The following VWA8 variants were observed in gnomAD, a reference collection of about 807,000 sequenced individuals.
VWA8 encodes the protein von Willebrand factor A domain-containing protein 8.
In VWA8, 221 loss-of-function variants were observed where a neutral mutation model predicts 241.5. The observed-to-expected ratio is 0.91, with a 90% CI of 0.82 to 1.02. VWA8 has a LOEUF of 1.02. VWA8 is among the 50% of genes least tolerant of loss of function. The pLI, the probability that VWA8 is intolerant of heterozygous loss-of-function variation, is 0.00. For missense variants in VWA8, 2,322 were observed against 2,328.7 expected, an observed-to-expected ratio of 1.00 and a Z score of 0.06; for synonymous variants, 852 against 827.1, an observed-to-expected ratio of 1.03 and a Z score of -0.52.
chr13:41,937,256 G>A (rs1877393595), intron 2 of VWA8, among the ~76,000 whole-genome samples: 1 of 152,114 alleles, frequency 6.6e-6, no homozygotes, highest in African/African-American at 2.4e-5. Context: ...CATTTATTGT[G>A]CACTTTATTT....
chr13:41,708,155 C>G (rs559602712), intron 26 of VWA8, among the ~76,000 whole-genome samples: 1 of 151,884 alleles, frequency 6.6e-6, no homozygotes, highest in South Asian at 2.1e-4. Flanking sequence ...GTCGGGAGTT[C>G]GAGACCAGCC....
chr13:41,797,205 T>A (rs1869745397), intron 17 of VWA8, among the ~76,000 whole-genome samples: 1 of 151,434 alleles, frequency 6.6e-6, no homozygotes, highest in African/African-American at 2.4e-5. Context: ...TATTTTTTTT[T>A]TTTTTTTGGT....
At chr13:41,921,774 T>G (rs1876549117) in intron 2 of VWA8, among the ~76,000 whole-genome samples, 2 of 152,046 alleles carry the variant, frequency 1.3e-5, no homozygotes, top group African/African-American at 4.8e-5. Context: ...ACTCCTCAAC[T>G]AAATAAAAGA....
intron 20 of VWA8, among the ~76,000 whole-genome samples, chr13:41,767,703 C>T (rs1334221964): frequency 6.6e-6 from 1 of 152,162 alleles, no homozygotes; most frequent in African/African-American, 2.4e-5. Context: ...GACTCTAAAA[C>T]ACAACCCTTA....
intron 35 of VWA8, among the ~76,000 whole-genome samples, chr13:41,682,551 A>C (rs1191624101): frequency 6.6e-6 from 1 of 152,212 alleles, no homozygotes; most frequent in Non-Finnish European, 1.5e-5. Flanking sequence ...GTTTGAGACC[A>C]GCCTGGGCAA....
At chr13:41,933,809 T>A (rs1369734913) in intron 2 of VWA8, among the ~76,000 whole-genome samples, 1 of 151,350 alleles carries the variant, frequency 6.6e-6, no homozygotes, top group Non-Finnish European at 1.5e-5. Flanking sequence ...AAGAATTAAC[T>A]CAAAAAAGGA....
At chr13:41,815,631 C>A (rs1055821041) in intron 16 of VWA8, among the ~76,000 whole-genome samples, 8 of 152,232 alleles carry the variant, frequency 5.3e-5, no homozygotes, top group Non-Finnish European at 8.8e-5. Flanking sequence ...CGATGGAGTG[C>A]AGCCTTGCTG....
chr13:41,602,100 G>C (rs1483285200), intron 40 of VWA8, among the ~76,000 whole-genome samples: 1 of 152,034 alleles, frequency 6.6e-6, no homozygotes, highest in Non-Finnish European at 1.5e-5. Context: ...TCTACACAAG[G>C]CCGTGTCCAT....
At chr13:41,937,490 A>G (rs1481111863) in intron 2 of VWA8, among the ~76,000 whole-genome samples, 1 of 152,156 alleles carries the variant, frequency 6.6e-6, no homozygotes, top group East Asian at 1.9e-4. Context: ...ATAAGAATCT[A>G]ATGTCACCAC....
chr13:41,951,526 C>T (rs542848584), intron 1 of VWA8, among the ~76,000 whole-genome samples: 17 of 152,260 alleles, frequency 1.1e-4, no homozygotes, highest in Non-Finnish European at 7.4e-5. Context: ...CCTTAATTTC[C>T]GAGTGATCTT....
At chr13:41,668,418 T>C (rs914552444) in intron 37 of VWA8, among the ~76,000 whole-genome samples, 11 of 152,100 alleles carry the variant, frequency 7.2e-5, no homozygotes, top group African/African-American at 2.4e-4. Flanking sequence ...GTAAGCAGGG[T>C]ATGGAGAACC....
At chr13:41,761,000 G>T in intron 21 of VWA8, 128 bp downstream of exon 21, 1 of 921,884 alleles carries the variant, frequency 1.1e-6, no homozygotes, top group Non-Finnish European at 1.7e-6. Flanking sequence ...GAAGAGATAA[G>T]AGCAAGAAGA....
At chr13:41,828,605 C>T (rs1871282867) in intron 14 of VWA8, among the ~76,000 whole-genome samples, 1 of 152,094 alleles carries the variant, frequency 6.6e-6, no homozygotes, top group South Asian at 2.1e-4. Flanking sequence ...TAAGATTTTA[C>T]CACATTTGTG....
At chr13:41,911,895 T>A in intron 3 of VWA8, 143 bp downstream of exon 3, 2 of 1,087,608 alleles carry the variant, frequency 1.8e-6, no homozygotes, top group South Asian at 7.7e-5. Flanking sequence ...TGCCAAACAC[T>A]TTATAAACAA....
chr13:41,784,094 T>C (rs904926240), intron 18 of VWA8, among the ~76,000 whole-genome samples, 193 bp from the exon 19 acceptor site: 6 of 151,916 alleles, frequency 3.9e-5, no homozygotes, highest in Non-Finnish European at 7.4e-5. Flanking sequence ...TAACAAATTT[T>C]CTTTAAAACA....
At position 41,689,414 on chromosome 13, in the gene VWA8, G is replaced by A. The variant is rs774866394; in HGVS notation, c.4071C>T (p.Asn1357=). The part of the protein sequence containing the change: ...SAVEQKIASP[N]RILSDEKNYA... ...AATTTTTCTCATCTGAGAGAATTCT[G>A]TTGGGAGAGGCAATCTTTTGTTCCA... The change falls in exon 34 of 45, where the codon AAC becomes AAT. Residue 1357 remains asparagine (N), a synonymous_variant. Coordinates refer to ENST00000379310, the MANE Select transcript of VWA8 (RefSeq NM_015058.2). 1 of 1,612,198 alleles carries A rather than the reference G, an allele frequency of 6.2e-7. No individual in the cohort carries two copies. The highest frequency in any genetic ancestry group is 1.7e-5 in the Admixed American group (1 of 59,822).
At chr13:41,786,582 A>G (rs1293243895) in intron 18 of VWA8, among the ~76,000 whole-genome samples, 1 of 152,108 alleles carries the variant, frequency 6.6e-6, no homozygotes, top group East Asian at 1.9e-4. Context: ...CTCAAATAAT[A>G]TTGAGAATAC....
intron 37 of VWA8, among the ~76,000 whole-genome samples, chr13:41,664,257 T>C (rs1363093849): frequency 1.3e-5 from 2 of 152,116 alleles, no homozygotes; most frequent in Admixed American, 6.6e-5. Context: ...CAATGCTGCT[T>C]TGGAGAAACC....
In VWA8 at chr13:41,897,590, C is replaced by A. The variant is rs559203118; in HGVS notation, c.484-6003G>T. On this transcript the variant is annotated intron_variant, in intron 4 of 44. Coordinates refer to ENST00000379310, the MANE Select transcript of VWA8 (RefSeq NM_015058.2). ...GTATTGTGTCCGAAATTGGTAGGTTCTTGGTCTCACTGACTTCAAGAATGA... is the reference window on the plus strand; with the variant it reads ...GTATTGTGTCCGAAATTGGTAGGTTATTGGTCTCACTGACTTCAAGAATGA... 3.9e-4 allele frequency among the ~76,000 whole-genome samples: 59 copies of A among 152,252 alleles called. 1 individual carries two copies. In the South Asian group the frequency reaches 0.012, roughly 32 times the overall value.
Sources: gnomAD v4.1 joint callset for allele counts (sites outside exome capture counted in the v4.1 genomes callset) on GRCh38, gnomAD v4.1.1 for gene constraint, MANE v1.5 for transcripts, NCBI Gene and HGNC (gene_info 2026-07-23, HGNC 2026-07-21) for gene names.